PDE8A: variants seen among roughly 807,000 people sequenced by gnomAD.
PDE8A encodes phosphodiesterase 8A.
PDE8A carries 59 observed loss-of-function variants against 105.0 expected under a neutral mutation model. The ratio of observed to expected loss-of-function variants is 0.56; its 90% CI spans 0.46 to 0.70. PDE8A has a LOEUF of 0.70. PDE8A is among the 30% of genes least tolerant of loss of function. The pLI, the probability that PDE8A is intolerant of heterozygous loss-of-function variation, is 0.00. For synonymous variants in PDE8A, 355 were observed against 371.9 expected (o/e 0.95, Z 0.52); for missense variants, 1,014 against 1,045.9 (o/e 0.97, Z 0.42).
At chr15:85,132,268 A>G (rs2082340140) in intron 20 of PDE8A, among the ~76,000 whole-genome samples, 1 of 152,088 alleles carries the variant, frequency 6.6e-6, no homozygotes. Flanking sequence ...CCTGTTGGCT[A>G]TTATTTCTTC....
At chr15:85,112,289 C>G (rs1403049366) in intron 12 of PDE8A, among the ~76,000 whole-genome samples, 1 of 152,184 alleles carries the variant, frequency 6.6e-6, no homozygotes, top group South Asian at 2.1e-4. Context: ...CATACACTTT[C>G]ATTTTTTTGT....
intron 5 of PDE8A, among the ~76,000 whole-genome samples, chr15:85,079,694 C>T (rs112476171): frequency 0.079 from 11,979 of 152,256 alleles, 1,299 homozygotes; most frequent in African/African-American, 0.24. Flanking sequence ...AGGTGGATCA[C>T]CTGAGGTCAA....
chr15:85,097,872 C>A, intron 8 of PDE8A, 76 bp from the exon 9 acceptor site: 1 of 807,422 alleles, frequency 1.2e-6, no homozygotes, highest in South Asian at 1.5e-5. Flanking sequence ...GTAAGTGAAT[C>A]AGAACTGAAG....
In PDE8A at chr15:85,069,122, C is replaced by G. The variant is rs540890896; in HGVS notation, c.434+1918C>G. ...ATTTCAATGAAAAAAAGTAATGTTACGTGCTCAGTTAAAAACTCACACAAA... is the reference window on the plus strand; with the variant it reads ...ATTTCAATGAAAAAAAGTAATGTTAGGTGCTCAGTTAAAAACTCACACAAA... On this transcript the variant is annotated intron_variant, in intron 3 of 21. Coordinates refer to ENST00000394553, the MANE Select transcript of PDE8A (RefSeq NM_002605.3). 1.3e-4 allele frequency among the ~76,000 whole-genome samples: 20 copies of G among 152,292 alleles called. No homozygotes were observed. In the East Asian group the frequency reaches 3.9e-3, roughly 29 times the overall value.
chr15:85,024,361 A>T (rs925590680), intron 1 of PDE8A, among the ~76,000 whole-genome samples: 2 of 152,168 alleles, frequency 1.3e-5, no homozygotes, highest in African/African-American at 2.4e-5. Context: ...TAAGAAGTGA[A>T]TTTGGTCTAG....
chr15:85,095,796 G>C lies in PDE8A; in HGVS notation c.853-2152G>C, dbSNP rs143757861. Among the ~76,000 whole-genome samples the C allele has an allele frequency of 1.5e-3, 230 of 151,910 alleles. 2 individuals carry two copies. The highest frequency in any genetic ancestry group is 5.3e-3 in the African/African-American group (219 of 41,460). On this transcript the variant is annotated intron_variant, in intron 8 of 21. Transcript: ENST00000394553. ...TGTGGAACTTTGCCTGGAATGGCCT[G>C]TTAGCCTTGACTTGGGATCGCTCAG...
intron 11 of PDE8A, among the ~76,000 whole-genome samples, chr15:85,108,382 G>C (rs140677319): frequency 6.6e-6 from 1 of 152,290 alleles, no homozygotes; most frequent in Non-Finnish European, 1.5e-5. Context: ...TAGTTTCCTT[G>C]TCTGTGAAAT....
At chr15:85,041,405 T>C (rs1391789480) in intron 1 of PDE8A, among the ~76,000 whole-genome samples, 1 of 152,182 alleles carries the variant, frequency 6.6e-6, no homozygotes. Flanking sequence ...TGACCTGCCA[T>C]AGGAAGGCCA....
intron 20 of PDE8A, 55 bp from the exon 21 acceptor site, chr15:85,136,478 CT>C: frequency 6.4e-7 from 1 of 1,572,562 alleles, no homozygotes; most frequent in Non-Finnish European, 8.6e-7. Context: ...GGGGCTGCCC[CT>C]AGGTGGAGTG....
intron 12 of PDE8A, among the ~76,000 whole-genome samples, chr15:85,109,517 A>G (rs1340827391): frequency 6.6e-6 from 1 of 152,196 alleles, no homozygotes; most frequent in East Asian, 1.9e-4. Context: ...CGATTTTGGA[A>G]TTGTGAAAGA....
rs185697479 is a variant in PDE8A, at chr15:84,982,512, G to A, written c.186+164G>A. Among the ~76,000 whole-genome samples, 9 of 152,324 alleles carry A rather than the reference G, an allele frequency of 5.9e-5. No homozygotes were observed. In the East Asian group the frequency reaches 1.5e-3, roughly 26 times the overall value. ...GCCAGTCTCCCGCCTTGCCGGGGCA[G>A]CGTTCAGAGAAGGACCGACCCAGGT... is the stretch of plus-strand genomic sequence containing the variant. On this transcript the variant is annotated intron_variant, in intron 1 of 21. Transcript: ENST00000394553.
intron 1 of PDE8A, among the ~76,000 whole-genome samples, chr15:85,012,045 A>G (rs2080248249): frequency 1.3e-5 from 2 of 152,182 alleles, no homozygotes; most frequent in Admixed American, 1.3e-4. Context: ...AAGTCAGGAA[A>G]CAGCAGGTGC....
In PDE8A at chr15:85,031,201, T is replaced by C. The variant is rs893906151; in HGVS notation, c.187-33169T>C. Among the ~76,000 whole-genome samples the C allele has an allele frequency of 4.6e-5, 7 of 152,206 alleles. No individual in the cohort carries two copies. In the South Asian group the frequency reaches 8.3e-4, roughly 18 times the overall value. Reference sequence around the variant, plus strand: ...ATCTGATAGCCCATCACATTTCTTATTTGGCAGACTAGACTGAGGCCTGGA... The same window carrying C: ...ATCTGATAGCCCATCACATTTCTTACTTGGCAGACTAGACTGAGGCCTGGA... On this transcript the variant is annotated intron_variant, in intron 1 of 21. Transcript: ENST00000394553.
At chr15:84,980,924 T>G (rs1208136255), upstream of PDE8A, among the ~76,000 whole-genome samples, 2 of 152,154 alleles carry the variant, frequency 1.3e-5, no homozygotes, top group Non-Finnish European at 2.9e-5. Flanking sequence ...CGCGCCAGGT[T>G]TTGGCCTGCG....
chr15:85,085,943 C>T lies in PDE8A; in HGVS notation c.635+2299C>T, dbSNP rs145563490. Among the ~76,000 whole-genome samples, 998 of 138,916 alleles carry T rather than the reference C, an allele frequency of 7.2e-3. 3 individuals carry two copies. The highest frequency in any genetic ancestry group is 0.012 in the Non-Finnish European group (784 of 64,918). The allele number at this position is 138,916 out of a possible 152,430, so 91.1% of individuals were successfully genotyped here. On this transcript the variant is annotated intron_variant, in intron 6 of 21. Transcript: ENST00000394553. ...AGGATAATCACTGGAACCCGGGAGG[C>T]GAAGGTTGCAGTGAGCTGAGATCGA... is the stretch of plus-strand genomic sequence containing the variant.
At chr15:85,031,771 G>A (rs1405300628) in intron 1 of PDE8A, among the ~76,000 whole-genome samples, 1 of 152,116 alleles carries the variant, frequency 6.6e-6, no homozygotes, top group Non-Finnish European at 1.5e-5. Context: ...TGCTGTTATT[G>A]GTGGTGACGG....
rs145937215 is a variant in PDE8A at position 85,073,708 on chromosome 15, A to T, written c.435-2154A>T. Among the ~76,000 whole-genome samples, 874 of 152,382 alleles carry T rather than the reference A, an allele frequency of 5.7e-3. 15 individuals carry two copies. Among genetic ancestry groups the T allele is most frequent in the Admixed American group, 0.016 (246 of 15,312 alleles). ...AGATACAGTGTCACTAGAAGTGATGAAAATACCATTTGTGAGTCACGCCTT... is the reference window on the plus strand; with the variant it reads ...AGATACAGTGTCACTAGAAGTGATGTAAATACCATTTGTGAGTCACGCCTT... On this transcript the variant is annotated intron_variant, in intron 3 of 21. Coordinates refer to ENST00000394553, the MANE Select transcript of PDE8A (RefSeq NM_002605.3).
At chr15:85,060,285 A>G (rs1481655425) in intron 1 of PDE8A, among the ~76,000 whole-genome samples, 1 of 152,242 alleles carries the variant, frequency 6.6e-6, no homozygotes, top group Non-Finnish European at 1.5e-5. Flanking sequence ...CTTAACTTCA[A>G]TAACATACAA....
chr15:85,073,814 G>C (rs1281808847), intron 3 of PDE8A, among the ~76,000 whole-genome samples: 1 of 152,218 alleles, frequency 6.6e-6, no homozygotes, highest in Non-Finnish European at 1.5e-5. Flanking sequence ...GTGAGTGTCT[G>C]TTGTGCCAGT....
Sources: allele counts gnomAD v4.1 joint callset (sites outside exome capture counted in the v4.1 genomes callset), GRCh38; gene constraint gnomAD v4.1.1; transcripts MANE v1.5; gene names NCBI Gene and HGNC (gene_info 2026-07-23, HGNC 2026-07-21).